AEBP2: variants seen among roughly 807,000 people sequenced by gnomAD.
AEBP2 encodes the protein AE binding protein 2.
Under a neutral mutation model 50.8 loss-of-function variants are expected in AEBP2, and 10 were observed. The observed-to-expected ratio is 0.20, with a 90% CI of 0.12 to 0.33. The LOEUF is 0.33. AEBP2 is among the 10% of genes least tolerant of loss of function. The probability of loss-of-function intolerance (pLI) is 1.00; values close to 1 mark genes in which losing one functional copy is unlikely to be tolerated. For synonymous variants in AEBP2, 296 were observed against 261.3 expected (o/e 1.13, Z -1.28); for missense variants, 570 against 688.0 (o/e 0.83, Z 1.92).
At chr12:19,429,019 C>T (rs1252701800) in intron 1 of AEBP2, among the ~76,000 whole-genome samples, 2 of 152,180 alleles carry the variant, frequency 1.3e-5, no homozygotes, top group East Asian at 3.9e-4. Flanking sequence ...GATACATGTG[C>T]ACAACGTGCA....
At chr12:19,499,631 A>C (rs908864370) in intron 4 of AEBP2, among the ~76,000 whole-genome samples, 8 of 151,942 alleles carry the variant, frequency 5.3e-5, no homozygotes, top group Non-Finnish European at 1.0e-4. Flanking sequence ...AAAAAAAAAA[A>C]ACCTCAAAAT....
chr12:19,448,129 A>G (rs1428941082), intron 1 of AEBP2, among the ~76,000 whole-genome samples: 1 of 151,754 alleles, frequency 6.6e-6, no homozygotes, highest in African/African-American at 2.4e-5. Context: ...CTGGTTTTCA[A>G]CTCTTGGGCT....
At chr12:19,437,103 A>T (rs1024225511), upstream of AEBP2, among the ~76,000 whole-genome samples, 9 of 152,226 alleles carry the variant, frequency 5.9e-5, no homozygotes, top group African/African-American at 2.2e-4. Context: ...CATTCCAGAG[A>T]AGTCTGCTCT....
intron 4 of AEBP2, among the ~76,000 whole-genome samples, chr12:19,495,562 G>A (rs1481779391): frequency 3.2e-5 from 3 of 92,418 alleles, no homozygotes; most frequent in African/African-American, 1.2e-4. Flanking sequence ...TTTTTTTTTT[G>A]ATACAGGGTC....
At chr12:19,491,225 T>C (rs1432272506) in intron 3 of AEBP2, among the ~76,000 whole-genome samples, 1 of 152,196 alleles carries the variant, frequency 6.6e-6, no homozygotes, top group Non-Finnish European at 1.5e-5. Flanking sequence ...ATTTTAAATA[T>C]AGAAATCATT....
chr12:19,452,416 C>T (rs1948179553), intron 1 of AEBP2, among the ~76,000 whole-genome samples: 1 of 152,128 alleles, frequency 6.6e-6, no homozygotes, highest in Admixed American at 6.5e-5. Context: ...GTGCCTTTTG[C>T]TATTTTATAT....
chr12:19,439,577 C>T lies in AEBP2; in HGVS notation c.-123C>T, dbSNP rs999734390. On this transcript the variant is annotated 5_prime_UTR_variant, in exon 1 of 8. Coordinates refer to ENST00000266508, the MANE Select transcript of AEBP2 (RefSeq NM_153207.5). The stretch of plus-strand genomic sequence containing the variant: ...TGCAGGCTGACGCAGCTCGCGGGCC[C>T]TCCTCCTGCTCTGCAGCGGCGTCGG... 2 of 1,306,362 alleles carry T rather than the reference C, an allele frequency of 1.5e-6. No individual in the cohort carries two copies. The highest frequency in any genetic ancestry group is 2.7e-5 in the Admixed American group (1 of 36,880). The allele number at this position is 1,306,362 out of a possible 1,614,324, so 80.9% of individuals were successfully genotyped here. A position where few individuals can be genotyped will look rare whatever the true frequency, so the allele number is the denominator to read the frequency against.
intron 1 of AEBP2, chr12:19,440,626 A>G (rs975689111): frequency 2.3e-5 from 35 of 1,494,872 alleles, no homozygotes; most frequent in Non-Finnish European, 2.9e-5. Flanking sequence ...TTCGCTCCTC[A>G]CGGACCTCAG....
At chr12:19,481,137 G>A (rs920869896) in intron 3 of AEBP2, among the ~76,000 whole-genome samples, 3 of 108,596 alleles carry the variant, frequency 2.8e-5, no homozygotes, top group African/African-American at 1.1e-4. Context: ...GTCTCACTCT[G>A]TTGCCCAGGC....
chr12:19,440,743 CCGT>C (rs1408466808), intron 1 of AEBP2: 10 of 1,533,458 alleles, frequency 6.5e-6, no homozygotes, highest in African/African-American at 1.4e-5. Context: ...CTTCTTCCAA[CCGT>C]GTTCGGGAAC....
chr12:19,503,347 ATGTG>A (rs374112477), intron 5 of AEBP2, among the ~76,000 whole-genome samples: 3 of 146,782 alleles, frequency 2.0e-5, no homozygotes, highest in African/African-American at 5.1e-5. Flanking sequence ...GTGTGTGTGT[ATGTG>A]TGTGTGTGTG....
At position 19,518,500 on chromosome 12, in the gene AEBP2, T is replaced by G; in HGVS notation, c.*383T>G. On this transcript the variant is annotated 3_prime_UTR_variant, in exon 8 of 8. Transcript: ENST00000266508. Reference sequence around the variant, plus strand: ...AGTTTATATTGGAAAGAAAAACAATTACAACATGTGCCCTTACAAATACCA... The same window carrying G: ...AGTTTATATTGGAAAGAAAAACAATGACAACATGTGCCCTTACAAATACCA... The G allele has an allele frequency of 8.0e-7, 1 of 1,251,008 alleles. No homozygotes were observed. Among genetic ancestry groups the G allele is most frequent in the Non-Finnish European group, 1.0e-6 (1 of 994,828 alleles). 77.5% of individuals were successfully genotyped at this position (1,251,008 alleles called of 1,614,324 possible).
chr12:19,421,344 C>CAAAAAAAAAAAAAA (rs375160231), intron 1 of AEBP2, among the ~76,000 whole-genome samples: 1 of 82,452 alleles, frequency 1.2e-5, no homozygotes, highest in African/African-American at 4.7e-5. Flanking sequence ...GACTCTGTCT[C>CAAAAAAAAAAAAAA]AAAAAAAAAA....
intron 5 of AEBP2, among the ~76,000 whole-genome samples, chr12:19,502,400 C>T (rs1215145035): frequency 6.6e-6 from 1 of 152,090 alleles, no homozygotes; most frequent in Non-Finnish European, 1.5e-5. Context: ...TCCCAAAGTG[C>T]TGGGATTACA....
chr12:19,483,606 A>G (rs1056881501), intron 3 of AEBP2, among the ~76,000 whole-genome samples: 4 of 152,002 alleles, frequency 2.6e-5, no homozygotes, highest in Admixed American at 6.6e-5. Context: ...CCTTTCTCCT[A>G]TCTCCATCTT....
chr12:19,418,036 C>T (rs1225228750), intron 1 of AEBP2, among the ~76,000 whole-genome samples: 1 of 152,080 alleles, frequency 6.6e-6, no homozygotes, highest in Non-Finnish European at 1.5e-5. Flanking sequence ...GATCTTTCCC[C>T]TTCCAGGCCC....
chr12:19,460,012 A>G (rs1426812802), intron 1 of AEBP2, among the ~76,000 whole-genome samples: 1 of 152,204 alleles, frequency 6.6e-6, no homozygotes, highest in African/African-American at 2.4e-5. Context: ...GCTTGAGCCC[A>G]GCCTGGACAA....
chr12:19,439,686 GAGC>G lies in AEBP2; in HGVS notation c.-11_-9del, dbSNP rs1320914492. ...CGGTGGGGAGGAGGAGGAGGAGGAG[GAGC>G]AGGCGCCGCCATGGCCGCCGCTATC... On this transcript the variant is annotated 5_prime_UTR_variant, in exon 1 of 8. Coordinates refer to ENST00000266508, the MANE Select transcript of AEBP2 (RefSeq NM_153207.5). 6 of 1,493,222 alleles carry G rather than the reference GAGC, an allele frequency of 4.0e-6. No individual in the cohort carries two copies. The highest frequency in any genetic ancestry group is 2.9e-5 in the African/African-American group (2 of 68,342). The allele number at this position is 1,493,222 out of a possible 1,614,324, so 92.5% of individuals were successfully genotyped here. A position where few individuals can be genotyped will look rare whatever the true frequency, so the allele number is the denominator to read the frequency against.
rs370163671 is a variant in AEBP2, at chr12:19,504,509, G to A, written c.1299+4288G>A. On this transcript the variant is annotated intron_variant, in intron 5 of 7. Coordinates refer to ENST00000266508, the MANE Select transcript of AEBP2 (RefSeq NM_153207.5). ...CCCACCTCGGCCTCCCAAAGCCCTGGGATTACAGGTGTGAGCCACCGCACC... is the reference window on the plus strand; with the variant it reads ...CCCACCTCGGCCTCCCAAAGCCCTGAGATTACAGGTGTGAGCCACCGCACC... Among the ~76,000 whole-genome samples, 61 of 151,910 alleles carry A rather than the reference G, an allele frequency of 4.0e-4. No individual in the cohort carries two copies. The East Asian group carries it at 7.6e-3, about 19-fold the overall frequency.
Sources: allele counts gnomAD v4.1 joint callset (sites outside exome capture counted in the v4.1 genomes callset), GRCh38; gene constraint gnomAD v4.1.1; transcripts MANE v1.5; gene names NCBI Gene and HGNC (gene_info 2026-07-23, HGNC 2026-07-21).